Variants in GNB1 observed in about 807,000 individuals in gnomAD.
GNB1 encodes guanine nucleotide-binding protein G(I)/G(S)/G(T) subunit beta-1.
In GNB1, 2 loss-of-function variants were observed where a neutral mutation model predicts 42.9. The ratio of observed to expected loss-of-function variants is 0.05; its 90% CI spans 0.02 to 0.15. The LOEUF is 0.15. Ranked by LOEUF, GNB1 falls within the 10% of genes least tolerant of loss-of-function variation. The pLI is 1.00. For synonymous variants in GNB1, 183 were observed against 174.7 expected (o/e 1.05, Z -0.38); for missense variants, 193 against 462.2 (o/e 0.42, Z 5.34).
intron 2 of GNB1, among the ~76,000 whole-genome samples, chr1:1,828,401 T>C (rs1462453314): frequency 6.6e-6 from 1 of 152,178 alleles, no homozygotes; most frequent in Non-Finnish European, 1.5e-5. Context: ...TTAGGTGGGA[T>C]AACTCCTGAA....
chr1:1,890,571 ACT>A, intron 1 of GNB1, among the ~76,000 whole-genome samples: 1 of 147,706 alleles, frequency 6.8e-6, no homozygotes, highest in East Asian at 2.0e-4. Context: ...CGGTGCCGAA[ACT>A]CGGCCCCCAG....
At chr1:1,837,021 A>C (rs1557915527) in intron 2 of GNB1, among the ~76,000 whole-genome samples, 2 of 151,984 alleles carry the variant, frequency 1.3e-5, no homozygotes, top group Non-Finnish European at 2.9e-5. Flanking sequence ...CCTATTCTGG[A>C]TACAAGTCAT....
At chr1:1,852,031 G>A (rs1449711937) in intron 1 of GNB1, among the ~76,000 whole-genome samples, 2 of 151,320 alleles carry the variant, frequency 1.3e-5, no homozygotes, top group Non-Finnish European at 2.9e-5. Context: ...CAACAAGAGC[G>A]AAACTCCGTC....
intron 2 of GNB1, among the ~76,000 whole-genome samples, chr1:1,829,113 A>G (rs1447783761): frequency 6.6e-6 from 1 of 152,138 alleles, no homozygotes; most frequent in East Asian, 1.9e-4. Context: ...CTGCAGTGCA[A>G]TGATGCAATC....
chr1:1,865,466 G>C (rs1013950282), intron 1 of GNB1, among the ~76,000 whole-genome samples: 1 of 151,860 alleles, frequency 6.6e-6, no homozygotes, highest in African/African-American at 2.4e-5. Context: ...GGCACCTGTA[G>C]TCCCAGCTAC....
At chr1:1,837,571 G>GT (rs951884477) in intron 2 of GNB1, among the ~76,000 whole-genome samples, 3 of 138,832 alleles carry the variant, frequency 2.2e-5, no homozygotes, top group Admixed American at 7.1e-5. Context: ...TTTTGTTTTT[G>GT]TTTTTTTGAC....
chr1:1,837,843 G>A (rs976958793), intron 2 of GNB1, among the ~76,000 whole-genome samples: 1 of 151,980 alleles, frequency 6.6e-6, no homozygotes, highest in African/African-American at 2.4e-5. Flanking sequence ...GATTACAGGT[G>A]AGCCACCTTG....
intron 1 of GNB1, among the ~76,000 whole-genome samples, chr1:1,866,181 C>G (rs1004275467): frequency 6.6e-6 from 1 of 152,252 alleles, no homozygotes; most frequent in Admixed American, 6.5e-5. Flanking sequence ...CTCAGGTGAT[C>G]CACCCGCCTT....
At chr1:1,846,419 T>G (rs900821917) in intron 1 of GNB1, among the ~76,000 whole-genome samples, 2 of 152,012 alleles carry the variant, frequency 1.3e-5, no homozygotes, top group African/African-American at 2.4e-5. Flanking sequence ...ACAAAAAAAT[T>G]AGCCAGGCGT....
At chr1:1,838,342 C>CT (rs1336605429) in intron 2 of GNB1, among the ~76,000 whole-genome samples, 1 of 152,200 alleles carries the variant, frequency 6.6e-6, no homozygotes, top group Non-Finnish European at 1.5e-5. Context: ...CTCACCCAGA[C>CT]TCACTCACTA....
rs1448634463 is a variant in GNB1, at chr1:1,841,029, T to C, written c.-95-1791A>G. Among the ~76,000 whole-genome samples the C allele has an allele frequency of 2.0e-5, 3 of 152,116 alleles. No homozygotes were observed. In the East Asian group the frequency reaches 5.8e-4, roughly 29 times the overall value. Reference sequence around the variant, plus strand: ...GCCTCAGCCTCTTGAGTAGCTGCGATTATAGGCACATGCCACCACTCCCAG... The same window carrying C: ...GCCTCAGCCTCTTGAGTAGCTGCGACTATAGGCACATGCCACCACTCCCAG... On this transcript the variant is annotated intron_variant, in intron 1 of 11. Transcript: ENST00000378609.
intron 2 of GNB1, among the ~76,000 whole-genome samples, chr1:1,828,058 C>A (rs970491741): frequency 6.6e-6 from 1 of 152,100 alleles, no homozygotes; most frequent in Non-Finnish European, 1.5e-5. Flanking sequence ...CGGTGGCTGA[C>A]GCCTGTAATC....
intron 1 of GNB1, among the ~76,000 whole-genome samples, chr1:1,882,808 C>A (rs1415271733): frequency 6.6e-6 from 1 of 151,784 alleles, no homozygotes; most frequent in Non-Finnish European, 1.5e-5. Context: ...GTAACCCCAG[C>A]TACTCTGGAG....
chr1:1,799,069 C>T (rs985765406), intron 7 of GNB1, among the ~76,000 whole-genome samples: 1 of 152,048 alleles, frequency 6.6e-6, no homozygotes, highest in South Asian at 2.1e-4. Context: ...TACAGGTGCC[C>T]GCCACCTCGC....
intron 5 of GNB1, 125 bp from the exon 6 acceptor site, chr1:1,806,663 G>A (rs560712454): frequency 1.1e-5 from 6 of 566,882 alleles, no homozygotes; most frequent in Admixed American, 6.5e-5. Context: ...TTCAGACAAA[G>A]CCACTTATTT....
chr1:1,829,253 C>T (rs1333309798), intron 2 of GNB1, among the ~76,000 whole-genome samples: 1 of 152,106 alleles, frequency 6.6e-6, no homozygotes, highest in African/African-American at 2.4e-5. Flanking sequence ...GACGGGGTTT[C>T]ACCACGTTGG....
At chr1:1,824,059 T>C (rs1196900819) in intron 3 of GNB1, among the ~76,000 whole-genome samples, 1 of 152,084 alleles carries the variant, frequency 6.6e-6, no homozygotes, top group Non-Finnish European at 1.5e-5. Flanking sequence ...GTCATCAGCT[T>C]CCTGTACAGC....
chr1:1,889,770 T>C (rs1468896888), intron 1 of GNB1, among the ~76,000 whole-genome samples: 1 of 151,690 alleles, frequency 6.6e-6, no homozygotes, highest in Non-Finnish European at 1.5e-5. Flanking sequence ...TGTTAAAATA[T>C]CATTTGAATC....
chr1:1,785,930 G>A lies in GNB1; in HGVS notation c.*1133C>T, dbSNP rs1646400869. On this transcript the variant is annotated 3_prime_UTR_variant, in exon 12 of 12. Transcript: ENST00000378609. ...AACGAGAAGTGGACAGAGCCGCAAT[G>A]GTTACAACTGTAAGAGGTTATTTCT... 5.0e-6 allele frequency: 2 copies of A among 398,800 alleles called. No homozygotes were observed. Among genetic ancestry groups the A allele is most frequent in the Non-Finnish European group, 8.8e-6 (2 of 226,072 alleles). The allele number at this position is 398,800 out of a possible 1,614,324, so 24.7% of individuals were successfully genotyped here. A position where few individuals can be genotyped will look rare whatever the true frequency, so the allele number is the denominator to read the frequency against.
Sources: allele counts gnomAD v4.1 joint callset (sites outside exome capture counted in the v4.1 genomes callset), GRCh38; gene constraint gnomAD v4.1.1; transcripts MANE v1.5; gene names NCBI Gene and HGNC (gene_info 2026-07-23, HGNC 2026-07-21).